RPS6KA2: variants seen among roughly 807,000 people sequenced by gnomAD.
The protein encoded by RPS6KA2 is ribosomal protein S6 kinase alpha-2.
RPS6KA2 carries 42 observed loss-of-function variants against 91.8 expected under a neutral mutation model. The ratio of observed to expected loss-of-function variants is 0.46; its 90% CI spans 0.36 to 0.59. The LOEUF is 0.59. Ranked by LOEUF, RPS6KA2 falls within the 20% of genes least tolerant of loss-of-function variation. The pLI is 0.00. For synonymous variants in RPS6KA2, 414 were observed against 393.6 expected (o/e 1.05, Z -0.61); for missense variants, 798 against 978.5 (o/e 0.82, Z 2.46).
rs542733440 is a variant in RPS6KA2, at chr6:166,565,630, C to A, written c.100-26846G>T. 6.6e-5 allele frequency among the ~76,000 whole-genome samples: 10 copies of A among 152,378 alleles called. No individual in the cohort carries two copies. In the South Asian group the frequency reaches 2.1e-3, roughly 32 times the overall value. The stretch of plus-strand genomic sequence containing the variant: ...TGCCGAGGTCCTGTGGCAGACTCAG[C>A]CAATCCCAGTGTGGACTTGACTCGG... On this transcript the variant is annotated intron_variant, in intron 1 of 20. Transcript: ENST00000265678.
intron 2 of RPS6KA2, among the ~76,000 whole-genome samples, chr6:166,823,868 T>G (rs1477343857): frequency 1.3e-5 from 2 of 152,200 alleles, no homozygotes; most frequent in Non-Finnish European, 2.9e-5. Flanking sequence ...TACCACATGT[T>G]AGGGAAGACA....
At chr6:166,705,719 C>T (rs746371698) in intron 2 of RPS6KA2, among the ~76,000 whole-genome samples, 3 of 152,188 alleles carry the variant, frequency 2.0e-5, no homozygotes, top group Non-Finnish European at 2.9e-5. Flanking sequence ...GACACTCCAA[C>T]AGAATAGAGA....
intron 2 of RPS6KA2, among the ~76,000 whole-genome samples, chr6:166,790,549 G>C (rs1779057136): frequency 6.6e-6 from 1 of 152,048 alleles, no homozygotes. Flanking sequence ...GCAACTCCAA[G>C]ACACATAATT....
chr6:166,710,509 T>G (rs1054922229), intron 2 of RPS6KA2, among the ~76,000 whole-genome samples: 6 of 138,728 alleles, frequency 4.3e-5, no homozygotes, highest in African/African-American at 1.3e-4. Context: ...TGTGTGTGTG[T>G]GGTGTGTGTG....
chr6:166,502,390 C>T (rs1351408228), intron 6 of RPS6KA2, among the ~76,000 whole-genome samples: 2 of 152,256 alleles, frequency 1.3e-5, no homozygotes, highest in East Asian at 3.8e-4. Context: ...GAATTAAGCA[C>T]CTTTCAAGAT....
chr6:166,818,362 A>AT (rs1779823298), intron 2 of RPS6KA2, among the ~76,000 whole-genome samples: 1 of 152,008 alleles, frequency 6.6e-6, no homozygotes, highest in Non-Finnish European at 1.5e-5. Context: ...CACAACCTGA[A>AT]TTTTTTCTGT....
intron 2 of RPS6KA2, among the ~76,000 whole-genome samples, chr6:166,531,832 C>T (rs77151964): frequency 0.015 from 2,229 of 152,212 alleles, 28 homozygotes; most frequent in Non-Finnish European, 0.019. Context: ...AATACACTTA[C>T]GGATATTTGG....
At chr6:166,613,861 G>A (rs1786293035) in intron 1 of RPS6KA2, among the ~76,000 whole-genome samples, 1 of 151,936 alleles carries the variant, frequency 6.6e-6, no homozygotes, top group African/African-American at 2.4e-5. Flanking sequence ...GACACAGTCG[G>A]GCTTTCCACG....
At chr6:166,765,230 C>T (rs1005625871) in intron 2 of RPS6KA2, among the ~76,000 whole-genome samples, 10 of 152,360 alleles carry the variant, frequency 6.6e-5, no homozygotes, top group Middle Eastern at 3.4e-3. Flanking sequence ...GTGCTCCTGA[C>T]GCTGGACTCC....
intron 2 of RPS6KA2, among the ~76,000 whole-genome samples, chr6:166,782,391 T>C (rs1230577184): frequency 6.6e-6 from 1 of 152,172 alleles, no homozygotes; most frequent in South Asian, 2.1e-4. Flanking sequence ...ATTGAGTCTT[T>C]AGAAGCACAA....
intron 2 of RPS6KA2, among the ~76,000 whole-genome samples, chr6:166,638,773 G>C (rs543846012): frequency 6.6e-6 from 1 of 152,270 alleles, no homozygotes; most frequent in Non-Finnish European, 1.5e-5. Context: ...TGGGGCTACC[G>C]GCATCTCGTG....
intron 1 of RPS6KA2, among the ~76,000 whole-genome samples, chr6:166,596,474 C>G (rs1208446704): frequency 6.6e-6 from 1 of 152,106 alleles, no homozygotes; most frequent in African/African-American, 2.4e-5. Context: ...GTCTTCTGGT[C>G]TTCATCTTTC....
intron 3 of RPS6KA2, among the ~76,000 whole-genome samples, chr6:166,516,396 G>A (rs1397695115): frequency 3.9e-5 from 6 of 152,188 alleles, no homozygotes; most frequent in Admixed American, 3.9e-4. Flanking sequence ...CAGGGCTCAC[G>A]AATGCAGGCA....
intron 3 of RPS6KA2, among the ~76,000 whole-genome samples, chr6:166,529,393 G>A (rs1233671410): frequency 1.3e-5 from 2 of 152,138 alleles, no homozygotes; most frequent in African/African-American, 4.8e-5. Context: ...GACACAGGAT[G>A]GGGAACATCA....
At chr6:166,713,918 A>C (rs1408670942) in intron 2 of RPS6KA2, among the ~76,000 whole-genome samples, 1 of 152,170 alleles carries the variant, frequency 6.6e-6, no homozygotes, top group Admixed American at 6.5e-5. Flanking sequence ...CCTGTCACCC[A>C]CGTTAACCTA....
At chr6:166,793,789 C>A (rs1386190931) in intron 2 of RPS6KA2, among the ~76,000 whole-genome samples, 5 of 152,112 alleles carry the variant, frequency 3.3e-5, no homozygotes, top group African/African-American at 1.2e-4. Flanking sequence ...GCTGGGAAAA[C>A]TGGCTAGCCA....
At chr6:166,772,401 C>A (rs1015148104) in intron 2 of RPS6KA2, among the ~76,000 whole-genome samples, 5 of 152,186 alleles carry the variant, frequency 3.3e-5, no homozygotes, top group African/African-American at 4.8e-5. Flanking sequence ...AGAATGGAGT[C>A]GAGCAAGGAG....
intron 1 of RPS6KA2, among the ~76,000 whole-genome samples, chr6:166,597,929 C>A (rs558485587): frequency 2.2e-4 from 33 of 152,300 alleles, no homozygotes; most frequent in African/African-American, 7.9e-4. Flanking sequence ...CTGTCAGAAC[C>A]ACTGCAGTCA....
At chr6:166,680,725 T>C (rs563919119) in intron 2 of RPS6KA2, among the ~76,000 whole-genome samples, 6 of 152,266 alleles carry the variant, frequency 3.9e-5, no homozygotes, top group Non-Finnish European at 7.3e-5. Flanking sequence ...TCTGGACATA[T>C]CTGAACATCT....
Sources: gnomAD v4.1 joint callset for allele counts (sites outside exome capture counted in the v4.1 genomes callset) on GRCh38, gnomAD v4.1.1 for gene constraint, MANE v1.5 for transcripts, NCBI Gene and HGNC (gene_info 2026-07-23, HGNC 2026-07-21) for gene names.